The following MCM5 variants were observed in gnomAD, a reference collection of about 807,000 sequenced individuals.
The protein encoded by MCM5 is DNA replication licensing factor MCM5.
In MCM5, 46 loss-of-function variants were observed where a neutral mutation model predicts 79.9. The observed-to-expected ratio is 0.58, with a 90% CI of 0.45 to 0.74. The LOEUF is 0.74. Among genes scored for constraint, MCM5 ranks in the 30% least tolerant of loss-of-function variants. The pLI, the probability that MCM5 is intolerant of heterozygous loss-of-function variation, is 0.00. For synonymous variants in MCM5, 404 were observed against 390.5 expected (o/e 1.03, Z -0.41); for missense variants, 883 against 1,017.0 (o/e 0.87, Z 1.79).
chr22:35,418,133 G>C (rs1370134793), intron 13 of MCM5, among the ~76,000 whole-genome samples: 1 of 152,162 alleles, frequency 6.6e-6, no homozygotes, highest in Non-Finnish European at 1.5e-5. Context: ...GTGAAGTGTA[G>C]ACATGGTAGA....
chr22:35,400,301 T>G, intron 1 of MCM5, 93 bp downstream of exon 1: 5 of 928,214 alleles, frequency 5.4e-6, no homozygotes, highest in Non-Finnish European at 3.4e-6. Context: ...TCTCGGGAAC[T>G]GGGGTTGGAG....
At chr22:35,431,708 C>A in the MCM5 span, among the ~76,000 whole-genome samples, 3 of 152,144 alleles carry the variant, frequency 2.0e-5, no homozygotes, top group African/African-American at 7.2e-5. Flanking sequence ...CTGTCAAACT[C>A]AAACTCATGG....
At chr22:35,439,315 C>G in the MCM5 span, among the ~76,000 whole-genome samples, 1 of 151,518 alleles carries the variant, frequency 6.6e-6, no homozygotes, top group Non-Finnish European at 1.5e-5. Flanking sequence ...ATCCAACCAC[C>G]CACCCATCCA....
At chr22:35,438,856 T>TATCCATCC in the MCM5 span, among the ~76,000 whole-genome samples, 18,486 of 109,376 alleles carry the variant, frequency 0.17, 2,052 homozygotes, top group African/African-American at 0.3. Context: ...TCCACCCACA[T>TATCCATCC]ATCCATCCAT....
intron 13 of MCM5, among the ~76,000 whole-genome samples, chr22:35,418,940 G>C (rs1050635138): frequency 6.6e-6 from 1 of 152,168 alleles, no homozygotes; most frequent in African/African-American, 2.4e-5. Context: ...GCCTCCAGAG[G>C]CTGTGCTCTT....
At chr22:35,401,166 C>A (rs1932036651) in intron 2 of MCM5, among the ~76,000 whole-genome samples, 1 of 152,202 alleles carries the variant, frequency 6.6e-6, no homozygotes, top group African/African-American at 2.4e-5. Context: ...CTGGGTGAGT[C>A]ACCTGTTGAG....
the MCM5 span, among the ~76,000 whole-genome samples, chr22:35,446,624 A>T: frequency 6.6e-6 from 1 of 152,064 alleles, no homozygotes. Flanking sequence ...GAGGGGAACA[A>T]CCGGGGCGCC....
At chr22:35,435,611 C>A in the MCM5 span, among the ~76,000 whole-genome samples, 1 of 152,192 alleles carries the variant, frequency 6.6e-6, no homozygotes, top group Non-Finnish European at 1.5e-5. Flanking sequence ...CCTGCTGCAG[C>A]CTTTGTCCTG....
downstream of MCM5, among the ~76,000 whole-genome samples, chr22:35,425,676 A>G (rs536436193): frequency 3.3e-5 from 5 of 152,122 alleles, no homozygotes; most frequent in South Asian, 1.0e-3. Flanking sequence ...TTTGCATCCA[A>G]GGCTGCATCT....
At chr22:35,430,195 C>T (rs867052233), downstream of MCM5, among the ~76,000 whole-genome samples, 9 of 152,328 alleles carry the variant, frequency 5.9e-5, no homozygotes, top group South Asian at 2.1e-4. Context: ...CACAGGGTGA[C>T]GGAGTCCATG....
At chr22:35,432,981 C>T in the MCM5 span, among the ~76,000 whole-genome samples, 1 of 152,118 alleles carries the variant, frequency 6.6e-6, no homozygotes, top group Non-Finnish European at 1.5e-5. Context: ...GTTGCTCAGG[C>T]TGGAGTGCAG....
chr22:35,410,394 C>T (rs1932342783), intron 6 of MCM5: 4 of 321,708 alleles, frequency 1.2e-5, no homozygotes, highest in Non-Finnish European at 2.5e-5. Context: ...GAGCTGACAG[C>T]AGACACGTGG....
chr22:35,423,338 G>A lies in MCM5; in HGVS notation c.2100G>A (p.Lys700=), dbSNP rs1399877205. 1 of 1,599,744 alleles carries A rather than the reference G, an allele frequency of 6.3e-7. No homozygotes were observed. Among genetic ancestry groups the A allele is most frequent in the South Asian group, 1.1e-5 (1 of 89,630 alleles). Residue 700 remains lysine (K), a synonymous_variant, in exon 16 of 17, where the codon AAG becomes AAA. Coordinates refer to ENST00000216122, the MANE Select transcript of MCM5 (RefSeq NM_006739.4). ...SEHSIIKDFT[K]QKYPEHAIHK... is the part of the protein sequence containing the mutation. ...ACAGCATCATCAAGGACTTCACCAA[G>A]CAGGTGAGCCTGCCTTGGAGTGGGG...
At chr22:35,402,733 T>C (rs1437577039) in intron 2 of MCM5, among the ~76,000 whole-genome samples, 1 of 152,132 alleles carries the variant, frequency 6.6e-6, no homozygotes, top group African/African-American at 2.4e-5. Context: ...TAGTAGAGAC[T>C]GGGTGTTGCC....
At chr22:35,407,755 CT>C (rs1042985317) in intron 5 of MCM5, among the ~76,000 whole-genome samples, 2 of 152,172 alleles carry the variant, frequency 1.3e-5, no homozygotes, top group African/African-American at 4.8e-5. Context: ...CACCTGCCTA[CT>C]TTTTTACTTT....
chr22:35,440,174 G>T, the MCM5 span, among the ~76,000 whole-genome samples: 32 of 152,176 alleles, frequency 2.1e-4, no homozygotes, highest in African/African-American at 7.7e-4. Flanking sequence ...GACTTTAAAA[G>T]AACCCTTGAG....
downstream of MCM5, among the ~76,000 whole-genome samples, chr22:35,427,655 G>A (rs1932786852): frequency 6.6e-6 from 1 of 151,762 alleles, no homozygotes; most frequent in Non-Finnish European, 1.5e-5. Context: ...CCATCAACCC[G>A]TCATCTACAT....
downstream of MCM5, among the ~76,000 whole-genome samples, chr22:35,426,627 A>G (rs545317762): frequency 4.6e-5 from 7 of 152,332 alleles, no homozygotes; most frequent in Admixed American, 4.6e-4. Flanking sequence ...GAAAGGGCAC[A>G]GCAGTACAGT....
At chr22:35,400,313 C>G in intron 1 of MCM5, 105 bp downstream of exon 1, 2 of 1,113,492 alleles carry the variant, frequency 1.8e-6, no homozygotes, top group Non-Finnish European at 2.7e-6. Context: ...GGGTTGGAGT[C>G]CGGGAGCGCG....
Sources: allele counts gnomAD v4.1 joint callset (sites outside exome capture counted in the v4.1 genomes callset), GRCh38; gene constraint gnomAD v4.1.1; transcripts MANE v1.5; gene names NCBI Gene and HGNC (gene_info 2026-07-23, HGNC 2026-07-21).